Variants in PIWIL3 observed in about 807,000 individuals in gnomAD.
The protein encoded by PIWIL3 is piwi-like protein 3.
In PIWIL3, 101 loss-of-function variants were observed where a neutral mutation model predicts 109.7. The observed-to-expected ratio is 0.92, with a 90% CI of 0.78 to 1.09. PIWIL3 has a LOEUF of 1.09. PIWIL3 is among the 50% of genes least tolerant of loss of function. The pLI is 0.00. For synonymous variants in PIWIL3, 373 were observed against 376.4 expected (o/e 0.99, Z 0.10); for missense variants, 1,031 against 1,072.6 (o/e 0.96, Z 0.54).
intron 9 of PIWIL3, 82 bp from the exon 10 acceptor site, chr22:24,749,901 GGGACTAC>G: frequency 1.3e-6 from 2 of 1,599,326 alleles, no homozygotes; most frequent in Non-Finnish European, 1.7e-6. Context: ...GTGCATGTGT[GGGACTAC>G]AAATGAAGGG....
At chr22:24,740,226 A>AAAAAAAAAAAAC in intron 12 of PIWIL3, among the ~76,000 whole-genome samples, 1 of 150,256 alleles carries the variant, frequency 6.7e-6, no homozygotes, top group Non-Finnish European at 1.5e-5. Flanking sequence ...CTCAAAAAAA[A>AAAAAAAAAAAAC]AAAAAAAATT....
In PIWIL3 at chr22:24,755,781, T is replaced by A; in HGVS notation, c.692+3A>T. On this transcript the variant is annotated splice_donor_region_variant and intron_variant, in intron 6 of 20. Coordinates refer to ENST00000616349, the MANE Select transcript of PIWIL3 (RefSeq NM_001255975.1). ...TCAAAGAAACTCAACCCCGGTAACA[T>A]ACCTTCTAAAGAGAATGTTGTAATA... 1 of 1,613,856 alleles carries A rather than the reference T, an allele frequency of 6.2e-7. No individual in the cohort carries two copies. Among genetic ancestry groups the A allele is most frequent in the Non-Finnish European group, 8.5e-7 (1 of 1,179,844 alleles).
chr22:24,755,799 T>C lies in PIWIL3; in HGVS notation c.677A>G (p.Asn226Ser), dbSNP rs934775146. The C allele has an allele frequency of 2.2e-5, 36 of 1,613,932 alleles. No homozygotes were observed. The highest frequency in any genetic ancestry group is 2.9e-5 in the Non-Finnish European group (34 of 1,179,980). The part of the protein sequence containing the change: ...PTSPDCLRYY[N>S]ILFRRTFKLL... ...GGTAACATACCTTCTAAAGAGAATG[T>C]TGTAATAGCGTAGGCAATCTGGCGA... Residue 226 changes from asparagine to serine, a missense_variant, in exon 6 of 21, where the codon AAC (asparagine) becomes AGC (serine). By Grantham distance (46) the Asn-to-Ser change is conservative. Transcript: ENST00000616349.
chr22:24,753,629 A>AT (rs1272331468), intron 8 of PIWIL3, among the ~76,000 whole-genome samples: 47 of 152,214 alleles, frequency 3.1e-4, no homozygotes, highest in Non-Finnish European at 5.1e-4. Context: ...TCTCTTACCA[A>AT]TTTAAGGTTT....
intron 5 of PIWIL3, 80 bp downstream of exon 5, chr22:24,756,410 AC>A (rs1925032460): frequency 1.0e-5 from 14 of 1,365,884 alleles, no homozygotes; most frequent in Non-Finnish European, 1.4e-5. Context: ...AAACAACTGC[AC>A]AAAAACAATA....
chr22:24,744,191 A>AAAAAAAAAAC (rs1924200070), intron 12 of PIWIL3, among the ~76,000 whole-genome samples: 1 of 147,332 alleles, frequency 6.8e-6, no homozygotes, highest in Non-Finnish European at 1.5e-5. Context: ...AAAAAAAAAA[A>AAAAAAAAAAC]AAAAAAAAAA....
Position 24,756,585 on chromosome 22 carries a change from C to A in PIWIL3, c.476G>T (p.Arg159Leu), listed in dbSNP as rs148983752. The A allele has an allele frequency of 6.2e-7, 1 of 1,613,844 alleles. No individual in the cohort carries two copies. Among genetic ancestry groups the A allele is most frequent in the East Asian group, 2.2e-5 (1 of 44,894 alleles). Reference protein sequence around the residue: ...YKPDIEDGNLRTILLDQHRRK... With the variant: ...YKPDIEDGNLLTILLDQHRRK... ...TCTATGTTGATCAAGTAAAATTGTA[C>A]GGAGATTTCCATCTTCTATGTCTGG... Residue 159 changes from arginine (R) to leucine (L), a missense_variant, in exon 5 of 21, where the codon CGT becomes CTT. Transcript: ENST00000616349.
At chr22:24,730,201 C>T (rs1046668590) in intron 14 of PIWIL3, among the ~76,000 whole-genome samples, 1 of 151,856 alleles carries the variant, frequency 6.6e-6, no homozygotes, top group Non-Finnish European at 1.5e-5. Flanking sequence ...CCCGTCTCTA[C>T]TAAAAATACA....
chr22:24,762,447 C>A lies in PIWIL3; in HGVS notation c.53G>T (p.Ser18Ile). ...RARGRARRRE[S>I]YQQEAPGGPR... ...TCCCCCAGGTGCCTCTTGTTGGTAG[C>A]TCTCCCTGCGGCGGGCTCTGCCTCG... The change falls in exon 2 of 21, where the codon AGC becomes ATC. Residue 18 changes from serine (S) to isoleucine (I), a missense_variant. Physicochemically the swap from Ser to Ile is moderately radical, Grantham distance 142. Transcript: ENST00000616349. 1 of 1,614,046 alleles carries A rather than the reference C, an allele frequency of 6.2e-7. No homozygotes were observed.
In PIWIL3 at chr22:24,762,472, G is replaced by A. The variant is rs201056468; in HGVS notation, c.28C>T (p.Arg10Ter). The A allele has an allele frequency of 1.5e-5, 24 of 1,613,538 alleles. No individual in the cohort carries two copies. The Admixed American group carries it at 2.5e-4, about 17-fold the overall frequency. The stretch of plus-strand genomic sequence containing the variant: ...CTCTCCCTGCGGCGGGCTCTGCCTC[G>A]GGCGCGAGTCCTTGCCCTACCAGGC... Reference protein sequence around the residue: MPGRARTRARGRARRRESYQ... With the variant: MPGRARTRA The change falls in exon 2 of 21, where the codon CGA (arginine) becomes TGA (stop). Residue 10 changes from arginine to a stop codon, truncating the protein, a stop_gained. Coordinates refer to ENST00000616349, the MANE Select transcript of PIWIL3 (RefSeq NM_001255975.1). LOFTEE classifies it high-confidence loss of function.
intron 1 of PIWIL3, among the ~76,000 whole-genome samples, chr22:24,767,941 C>T (rs1384687879): frequency 4.6e-5 from 7 of 152,184 alleles, no homozygotes; most frequent in African/African-American, 1.7e-4. Context: ...CATCCCCAAG[C>T]TCACAGGCCA....
At chr22:24,729,673 A>G (rs1292504189) in intron 14 of PIWIL3, among the ~76,000 whole-genome samples, 1 of 152,198 alleles carries the variant, frequency 6.6e-6, no homozygotes, top group Non-Finnish European at 1.5e-5. Flanking sequence ...TTTTTGGTGG[A>G]CATCTTTTAT....
At chr22:24,732,016 C>T (rs2147661024) in intron 14 of PIWIL3, among the ~76,000 whole-genome samples, 1 of 152,356 alleles carries the variant, frequency 6.6e-6, no homozygotes, top group Non-Finnish European at 1.5e-5. Flanking sequence ...GATCTGCAAG[C>T]TGTCTGTACC....
In PIWIL3 at chr22:24,744,178, TAAAAAAAAAA is replaced by T. The variant is rs1188611412; in HGVS notation, c.1449+4719_1449+4728del. On this transcript the variant is annotated intron_variant, in intron 12 of 20. Coordinates refer to ENST00000616349, the MANE Select transcript of PIWIL3 (RefSeq NM_001255975.1). ...ACTCTAATTGAAAGAGTGACCGAATTAAAAAAAAAAAAAAAAAAAAAAAAAAAAACAATGA... is the reference window on the plus strand; with the variant it reads ...ACTCTAATTGAAAGAGTGACCGAATTAAAAAAAAAAAAAAAAAAACAATGA... 5.7e-3 allele frequency among the ~76,000 whole-genome samples: 197 copies of T among 34,314 alleles called. 2 individuals are homozygous for T. Among genetic ancestry groups the T allele is most frequent in the African/African-American group, 0.017 (176 of 10,562 alleles). The allele number at this position is 34,314 out of a possible 152,430, so 22.5% of individuals were successfully genotyped here. A position where few individuals can be genotyped will look rare whatever the true frequency, so the allele number is the denominator to read the frequency against.
chr22:24,748,910 T>C lies in PIWIL3; in HGVS notation c.1446A>G (p.Arg482=), dbSNP rs534136655. ...LKNANIVQGR[R]MVKANSQGDW... ...GATGATTTTGAAACTGTCTTACCAT[T>C]CTTCTGCCTTGCACGATGTTTGCGT... Residue 482 remains arginine, a synonymous_variant, in exon 12 of 21, where the codon AGA becomes AGG. Transcript: ENST00000616349. 6.2e-6 allele frequency: 10 copies of C among 1,606,128 alleles called. No homozygotes were observed. The East Asian group carries it at 1.1e-4, about 18-fold the overall frequency.
At chr22:24,747,971 T>C (rs1293482668) in intron 12 of PIWIL3, among the ~76,000 whole-genome samples, 3 of 152,210 alleles carry the variant, frequency 2.0e-5, no homozygotes, top group East Asian at 1.9e-4. Context: ...ATTGAAGAGA[T>C]ATCTGTACTT....
At chr22:24,741,706 A>G (rs1924019811) in intron 12 of PIWIL3, among the ~76,000 whole-genome samples, 1 of 152,208 alleles carries the variant, frequency 6.6e-6, no homozygotes, top group South Asian at 2.1e-4. Flanking sequence ...ACCACAGTGG[A>G]GTAAAACTGG....
intron 4 of PIWIL3, 63 bp downstream of exon 4, chr22:24,757,845 A>G (rs1293676877): frequency 1.8e-4 from 35 of 189,494 alleles, no homozygotes; most frequent in Middle Eastern, 1.6e-3. Context: ...CTCTCAATGA[A>G]AAAAAAAAAA....
At chr22:24,760,152 T>C (rs923868383) in intron 2 of PIWIL3, among the ~76,000 whole-genome samples, 163 bp from the exon 3 acceptor site, 2 of 152,032 alleles carry the variant, frequency 1.3e-5, no homozygotes, top group Admixed American at 6.6e-5. Context: ...GCACCTTGTG[T>C]GGTAATTGCT....
Sources: gnomAD v4.1 joint callset for allele counts (sites outside exome capture counted in the v4.1 genomes callset) on GRCh38, gnomAD v4.1.1 for gene constraint, MANE v1.5 for transcripts, NCBI Gene and HGNC (gene_info 2026-07-23, HGNC 2026-07-21) for gene names.